ZNF616: variants seen among roughly 807,000 people sequenced by gnomAD.
The protein encoded by ZNF616 is zinc finger protein 616.
A neutral mutation model predicts 7.6 loss-of-function variants in ZNF616; 5 were observed. The observed-to-expected ratio is 0.66, with a 90% CI of 0.34 to 1.38. ZNF616 has a LOEUF of 1.38. Ranked by LOEUF, ZNF616 falls within the 40% of genes most tolerant of loss-of-function variation. The pLI, the probability that ZNF616 is intolerant of heterozygous loss-of-function variation, is 0.04. For synonymous variants in ZNF616, 319 were observed against 317.2 expected (o/e 1.01, Z -0.06); for missense variants, 913 against 948.3 (o/e 0.96, Z 0.49).
chr19:52,119,464 A>G (rs2088850230), intron 3 of ZNF616, among the ~76,000 whole-genome samples: 1 of 152,104 alleles, frequency 6.6e-6, no homozygotes, highest in Admixed American at 6.6e-5. Flanking sequence ...TGGGAGATGA[A>G]GGAGTTATGC....
chr19:52,134,204 GA>G (rs1443261595), intron 1 of ZNF616, among the ~76,000 whole-genome samples: 2 of 152,056 alleles, frequency 1.3e-5, no homozygotes, highest in Admixed American at 6.6e-5. Flanking sequence ...TTCCAAAAAA[GA>G]AAACAAGAAC....
rs1481209061 is a variant in ZNF616 at position 52,139,098 on chromosome 19, G to A, written c.-77+634C>T. Among the ~76,000 whole-genome samples the A allele has an allele frequency of 1.3e-5, 2 of 151,980 alleles. No homozygotes were observed. The highest frequency in any genetic ancestry group is 6.6e-5 in the Admixed American group (1 of 15,258). On this transcript the variant is annotated intron_variant, in intron 1 of 3. Transcript: ENST00000600228. The surrounding 1 kb of genome is among the most constrained non-coding windows in gnomAD (Gnocchi z 4.1). ...TACCTAAATTATCATCCATTTTGCC[G>A]TGTACTCATTCTTTTCTCCCCAGTT...
At chr19:52,137,692 T>C (rs1383928648) in intron 1 of ZNF616, among the ~76,000 whole-genome samples, 1 of 152,188 alleles carries the variant, frequency 6.6e-6, no homozygotes, top group Non-Finnish European at 1.5e-5. Flanking sequence ...CTGAGGAATC[T>C]AATGTACTTC....
chr19:52,127,261 G>T (rs530169127), intron 2 of ZNF616, among the ~76,000 whole-genome samples: 1 of 152,238 alleles, frequency 6.6e-6, no homozygotes, highest in South Asian at 2.1e-4. Context: ...CACCATGTTG[G>T]CCAGGCTGGT....
chr19:52,115,337 T>C lies in ZNF616; in HGVS notation c.1827A>G (p.Glu609=). 1 of 1,614,126 alleles carries C rather than the reference T, an allele frequency of 6.2e-7. No individual in the cohort carries two copies. ...HTGEKPYKCH[E]CGKAFNQGST... Reference sequence around the variant, plus strand: ...AGCCCTGATTAAAGGCTTTGCCACATTCATGACATTTGTATGGTTTCTCTC... The same window carrying C: ...AGCCCTGATTAAAGGCTTTGCCACACTCATGACATTTGTATGGTTTCTCTC... Residue 609 remains glutamate, a synonymous_variant, in exon 4 of 4, where the codon GAA becomes GAG. Transcript: ENST00000600228.
chr19:52,115,780 C>T lies in ZNF616; in HGVS notation c.1384G>A (p.Glu462Lys), dbSNP rs778964738. The T allele has an allele frequency of 1.7e-5, 28 of 1,609,110 alleles. No homozygotes were observed. The highest frequency in any genetic ancestry group is 2.2e-5 in the East Asian group (1 of 44,516). The change falls in exon 4 of 4, where the codon GAG (glutamate) becomes AAG (lysine). Residue 462 changes from glutamate (E) to lysine (K), a missense_variant. Coordinates refer to ENST00000600228, the MANE Select transcript of ZNF616 (RefSeq NM_178523.5). ...LAVHWRIHTG[E>K]KAYKCNECGK... ...CATTCATTGCATTTATAAGCTTTCT[C>T]GCCGGTATGAATTCTCCAATGCACT... is the stretch of plus-strand genomic sequence containing the variant.
intron 1 of ZNF616, among the ~76,000 whole-genome samples, chr19:52,131,643 G>A (rs557164618): frequency 6.6e-6 from 1 of 152,264 alleles, no homozygotes; most frequent in African/African-American, 2.4e-5. Flanking sequence ...GCTAAGGGGA[G>A]GAGGTTGGCT....
chr19:52,124,364 A>G (rs2088888980), intron 2 of ZNF616, among the ~76,000 whole-genome samples: 1 of 152,246 alleles, frequency 6.6e-6, no homozygotes, highest in South Asian at 2.1e-4. Flanking sequence ...GTGAGCTAGT[A>G]TATGAGTGGT....
chr19:52,115,377 CGATGCCCTACAA>C lies in ZNF616; in HGVS notation c.1775_1786del (p.Leu592_His595del). 1 of 1,614,038 alleles carries C rather than the reference CGATGCCCTACAA, an allele frequency of 6.2e-7. No individual in the cohort carries two copies. Among genetic ancestry groups the C allele is most frequent in the Non-Finnish European group, 8.5e-7 (1 of 1,179,988 alleles). ...TGGTTTCTCTCCAGTATGAACTCTT[CGATGCCCTACAA>C]GATGTGAATACTGACTGTAGACCTT... On this transcript the variant is annotated inframe_deletion, in exon 4 of 4. Coordinates refer to ENST00000600228, the MANE Select transcript of ZNF616 (RefSeq NM_178523.5).
intron 1 of ZNF616, among the ~76,000 whole-genome samples, chr19:52,136,859 TA>T (rs1161875178): frequency 6.6e-6 from 1 of 151,728 alleles, no homozygotes; most frequent in African/African-American, 2.4e-5. Flanking sequence ...GACCAGGAGT[TA>T]GAGACCAGCT....
intron 3 of ZNF616, among the ~76,000 whole-genome samples, chr19:52,123,142 T>C (rs564295988): frequency 6.6e-6 from 1 of 151,826 alleles, no homozygotes; most frequent in Admixed American, 6.6e-5. Context: ...AAAAGAAACA[T>C]AAAACAAAGA....
Position 52,116,198 on chromosome 19 carries a change from C to G in ZNF616, c.966G>C (p.Glu322Asp), listed in dbSNP as rs987295288. The G allele has an allele frequency of 1.2e-6, 2 of 1,614,028 alleles. No individual in the cohort carries two copies. Among genetic ancestry groups the G allele is most frequent in the African/African-American group, 2.7e-5 (2 of 74,906 alleles). Residue 322 changes from glutamate (E) to aspartate (D), a missense_variant, in exon 4 of 4, where the codon GAG becomes GAC. Coordinates refer to ENST00000600228, the MANE Select transcript of ZNF616 (RefSeq NM_178523.5). The stretch of plus-strand genomic sequence containing the variant: ...CACACTCATTACATTTGAAGGGTCT[C>G]TCTCCAGTATGAACTGTCTGATGAA... ...LRLHQTVHTGERPFKCNECGK... is the reference protein window; with the variant it reads ...LRLHQTVHTGDRPFKCNECGK...
At chr19:52,130,416 A>G (rs1452120634) in intron 2 of ZNF616, 85 bp downstream of exon 2, 4 of 1,256,648 alleles carry the variant, frequency 3.2e-6, no homozygotes, top group South Asian at 1.2e-5. Flanking sequence ...AAGATTTGCA[A>G]CTCCGACGCC....
chr19:52,131,393 G>A (rs1212727458), intron 1 of ZNF616, among the ~76,000 whole-genome samples: 1 of 152,054 alleles, frequency 6.6e-6, no homozygotes, highest in Non-Finnish European at 1.5e-5. Context: ...AAATGCCTTG[G>A]CACTCTAGTG....
rs1428417202 is a variant in ZNF616, at chr19:52,116,301, T to C, written c.863A>G (p.Gln288Arg). Reference sequence around the variant, plus strand: ...AGGTTTTTCACCGGTATGAATTCTCTGATGAACTGCAAGGTGGGAACTTTT... The same window carrying C: ...AGGTTTTTCACCGGTATGAATTCTCCGATGAACTGCAAGGTGGGAACTTTT... ...FSKSSHLAVH[Q>R]RIHTGEKPYK... The change falls in exon 4 of 4, where the codon CAG (glutamine) becomes CGG (arginine). Residue 288 changes from glutamine (Q) to arginine (R), a missense_variant. Transcript: ENST00000600228. 15 of 1,614,046 alleles carry C rather than the reference T, an allele frequency of 9.3e-6. No homozygotes were observed. The Admixed American group carries it at 2.3e-4, about 25-fold the overall frequency.
At chr19:52,121,911 T>A (rs988859816) in intron 3 of ZNF616, among the ~76,000 whole-genome samples, 1 of 152,022 alleles carries the variant, frequency 6.6e-6, no homozygotes, top group Admixed American at 6.6e-5. Flanking sequence ...TAAAAAAAAT[T>A]TATTCCTCAT....
intron 2 of ZNF616, among the ~76,000 whole-genome samples, chr19:52,127,614 C>A (rs1283311096): frequency 6.6e-6 from 1 of 152,104 alleles, no homozygotes; most frequent in Admixed American, 6.6e-5. Context: ...GCGAGCCAGG[C>A]CTTCCAAAGA....
intron 1 of ZNF616, among the ~76,000 whole-genome samples, chr19:52,138,089 G>A (rs1017857416): frequency 1.3e-5 from 2 of 152,154 alleles, no homozygotes; most frequent in African/African-American, 2.4e-5. Flanking sequence ...AGGCTGCAGT[G>A]AGCCGATATA....
intron 3 of ZNF616, among the ~76,000 whole-genome samples, chr19:52,117,658 C>T (rs1227149358): frequency 6.6e-6 from 1 of 151,948 alleles, no homozygotes; most frequent in African/African-American, 2.4e-5. Flanking sequence ...AACAAATCTC[C>T]CTTTATAATA....
Sources: allele counts gnomAD v4.1 joint callset (sites outside exome capture counted in the v4.1 genomes callset), GRCh38; gene constraint gnomAD v4.1.1; non-coding constraint Gnocchi (gnomAD v3.1); transcripts MANE v1.5; gene names NCBI Gene and HGNC (gene_info 2026-07-23, HGNC 2026-07-21).